TRAPPC9: variants seen among roughly 807,000 people sequenced by gnomAD.
TRAPPC9 encodes the protein trafficking protein particle complex subunit 9.
In TRAPPC9, 83 loss-of-function variants were observed where a neutral mutation model predicts 124.0. The observed-to-expected ratio is 0.67, with a 90% CI of 0.56 to 0.80. The LOEUF (loss-of-function observed/expected upper bound fraction) is 0.80, where lower values mean the gene tolerates loss of function less well. Ranked by LOEUF, TRAPPC9 falls within the 30% of genes least tolerant of loss-of-function variation. TRAPPC9 has a pLI of 0.00. For synonymous variants in TRAPPC9, 638 were observed against 617.5 expected, an observed-to-expected ratio of 1.03 and a Z score of -0.49; for missense variants, 1,302 against 1,508.3, an observed-to-expected ratio of 0.86 and a Z score of 2.27.
At chr8:139,896,174 T>C (rs1830655393) in intron 20 of TRAPPC9, among the ~76,000 whole-genome samples, 1 of 152,240 alleles carries the variant, frequency 6.6e-6, no homozygotes, top group Admixed American at 6.5e-5. Context: ...TCTCAGCCTG[T>C]GCACAAGAAT....
intron 18 of TRAPPC9, among the ~76,000 whole-genome samples, chr8:140,014,630 G>A (rs377012420): frequency 3.3e-5 from 5 of 152,084 alleles, no homozygotes; most frequent in Admixed American, 6.5e-5. Context: ...CCAAAGATAC[G>A]GCTCCTACAA....
At chr8:140,024,197 G>A (rs1280741513) in intron 17 of TRAPPC9, 118 bp from the exon 18 acceptor site, 1 of 1,305,970 alleles carries the variant, frequency 7.7e-7, no homozygotes, top group Admixed American at 1.8e-5. Context: ...AACTAGTCAA[G>A]TCATCAGCAT....
chr8:139,758,577 A>G (rs1820012804), intron 21 of TRAPPC9, among the ~76,000 whole-genome samples: 1 of 152,144 alleles, frequency 6.6e-6, no homozygotes, highest in Non-Finnish European at 1.5e-5. Context: ...GGTACGAGGG[A>G]AGCACCTCGT....
intron 17 of TRAPPC9, among the ~76,000 whole-genome samples, chr8:140,057,644 T>C (rs761342859): frequency 1.3e-5 from 2 of 152,176 alleles, no homozygotes; most frequent in Non-Finnish European, 2.9e-5. Context: ...AACTCATAGA[T>C]GCAGGAAGTC....
intron 20 of TRAPPC9, among the ~76,000 whole-genome samples, chr8:139,901,512 C>T (rs1265780237): frequency 4.6e-5 from 7 of 152,116 alleles, no homozygotes; most frequent in Non-Finnish European, 8.8e-5. Context: ...CACAGTGGGA[C>T]GCGCTGCCAA....
At chr8:140,453,394 G>C (rs915507606) in intron 1 of TRAPPC9, among the ~76,000 whole-genome samples, 7 of 152,176 alleles carry the variant, frequency 4.6e-5, no homozygotes, top group African/African-American at 1.7e-4. Flanking sequence ...GATCGTGGCA[G>C]TAAAACCCTC....
chr8:140,376,286 G>A (rs2068434957), intron 7 of TRAPPC9, among the ~76,000 whole-genome samples: 1 of 151,846 alleles, frequency 6.6e-6, no homozygotes, highest in South Asian at 2.1e-4. Flanking sequence ...GCCGGGCGCG[G>A]TGGCTCACGC....
intron 7 of TRAPPC9, among the ~76,000 whole-genome samples, chr8:140,376,971 G>C (rs2068459569): frequency 6.6e-6 from 1 of 151,954 alleles, no homozygotes; most frequent in Non-Finnish European, 1.5e-5. Context: ...CAGATACCTG[G>C]AAGGTTCCTA....
chr8:140,121,906 G>A (rs2060993246), intron 17 of TRAPPC9, among the ~76,000 whole-genome samples: 1 of 152,100 alleles, frequency 6.6e-6, no homozygotes, highest in South Asian at 2.1e-4. Flanking sequence ...GGGTGTGGGT[G>A]GGTCCTGTGA....
At chr8:140,023,430 G>A (rs1414053046) in intron 18 of TRAPPC9, among the ~76,000 whole-genome samples, 2 of 152,238 alleles carry the variant, frequency 1.3e-5, no homozygotes, top group African/African-American at 4.8e-5. Context: ...AAGTAGGCAG[G>A]AGAGAAAGCC....
At chr8:140,221,183 G>A (rs1230484312) in intron 17 of TRAPPC9, among the ~76,000 whole-genome samples, 1 of 152,202 alleles carries the variant, frequency 6.6e-6, no homozygotes, top group African/African-American at 2.4e-5. Flanking sequence ...TAGAGAAACG[G>A]CAGGAGAGAG....
Position 139,777,521 on chromosome 8 carries a change from A to T in TRAPPC9, c.3056-45319T>A, listed in dbSNP as rs1284267679. Among the ~76,000 whole-genome samples the T allele has an allele frequency of 4.6e-5, 7 of 152,346 alleles. No homozygotes were observed. The East Asian group carries it at 9.6e-4, about 21-fold the overall frequency. On this transcript the variant is annotated intron_variant, in intron 21 of 22. Transcript: ENST00000438773. ...AGGTCAACATTTCCTGAATGAGCAA[A>T]TGAATGAAGGAAAGATTTCCTCCTT...
chr8:140,357,878 C>G (rs188000695), intron 9 of TRAPPC9, among the ~76,000 whole-genome samples: 1 of 152,320 alleles, frequency 6.6e-6, no homozygotes, highest in Admixed American at 6.5e-5. Context: ...CCAAAAGCAA[C>G]AGCGACCCAA....
chr8:140,272,579 G>T (rs1197418759), intron 15 of TRAPPC9, among the ~76,000 whole-genome samples: 1 of 152,084 alleles, frequency 6.6e-6, no homozygotes, highest in East Asian at 1.9e-4. Context: ...ACCTGAGGCT[G>T]GCTAATTTAC....
At chr8:140,382,873 C>T (rs995099873) in intron 7 of TRAPPC9, among the ~76,000 whole-genome samples, 2 of 152,008 alleles carry the variant, frequency 1.3e-5, no homozygotes, top group African/African-American at 2.4e-5. Flanking sequence ...CAAGTGGGTC[C>T]CTGACCCCCA....
intron 21 of TRAPPC9, among the ~76,000 whole-genome samples, chr8:139,872,326 GAGTGGATGGATAGATGCGTAGGCT>G (rs1828977137): frequency 1.6e-5 from 2 of 127,088 alleles, no homozygotes; most frequent in African/African-American, 2.7e-5. Context: ...ATGGTTGGAT[GAGTGGATGGATAGATGCGTAGGCT>G]GGTGGATGGG....
intron 19 of TRAPPC9, 40 bp from the exon 20 acceptor site, chr8:139,910,340 A>G: frequency 6.2e-7 from 1 of 1,611,446 alleles, no homozygotes; most frequent in South Asian, 1.1e-5. Context: ...ATTCATCAGT[A>G]GGGCAATTTC....
At chr8:140,026,421 A>G (rs909860232) in intron 17 of TRAPPC9, among the ~76,000 whole-genome samples, 6 of 152,204 alleles carry the variant, frequency 3.9e-5, no homozygotes, top group Non-Finnish European at 7.3e-5. Flanking sequence ...ATTGTTTCGC[A>G]CAGTGGCTGT....
intron 14 of TRAPPC9, among the ~76,000 whole-genome samples, chr8:140,280,109 T>C (rs1361306200): frequency 6.6e-6 from 1 of 152,216 alleles, no homozygotes; most frequent in Non-Finnish European, 1.5e-5. Flanking sequence ...TAGCTGAAGC[T>C]AGTGTCCTTC....
Sources: allele counts gnomAD v4.1 joint callset (sites outside exome capture counted in the v4.1 genomes callset), GRCh38; gene constraint gnomAD v4.1.1; transcripts MANE v1.5; gene names NCBI Gene and HGNC (gene_info 2026-07-23, HGNC 2026-07-21).